The following LRP1B variants were observed in gnomAD, a reference collection of about 807,000 sequenced individuals.
The protein encoded by LRP1B is LDL receptor related protein 1B.
A neutral mutation model predicts 556.6 loss-of-function variants in LRP1B; 217 were observed. The observed-to-expected ratio is 0.39, with a 90% CI of 0.35 to 0.44. LRP1B has a LOEUF of 0.44. Ranked by LOEUF, LRP1B falls within the 20% of genes least tolerant of loss-of-function variation. LRP1B has a pLI of 1.00. For missense variants in LRP1B, 5,053 were observed against 5,620.8 expected (o/e 0.90, Z 3.23); for synonymous variants, 2,047 against 1,865.8 (o/e 1.10, Z -2.50).
At chr2:140,492,141 G>A (rs1295677009) in intron 57 of LRP1B, among the ~76,000 whole-genome samples, 1 of 152,088 alleles carries the variant, frequency 6.6e-6, no homozygotes, top group African/African-American at 2.4e-5. Context: ...ACTCTGTCAG[G>A]ATGAGTAAAT....
intron 7 of LRP1B, among the ~76,000 whole-genome samples, chr2:141,098,903 C>T (rs942513454): frequency 7.2e-5 from 11 of 152,204 alleles, no homozygotes; most frequent in Middle Eastern, 3.4e-3. Context: ...GTAATCCGCC[C>T]GCCTCAGCCT....
chr2:140,289,469 CTAA>C (rs1683287826), intron 84 of LRP1B, among the ~76,000 whole-genome samples: 1 of 151,870 alleles, frequency 6.6e-6, no homozygotes, highest in Non-Finnish European at 1.5e-5. Flanking sequence ...TGAGTTAATT[CTAA>C]TAATCAGCAT....
chr2:140,734,966 G>A (rs913915626), intron 35 of LRP1B, among the ~76,000 whole-genome samples: 4 of 152,074 alleles, frequency 2.6e-5, no homozygotes, highest in African/African-American at 9.7e-5. Context: ...TTCTCTCACA[G>A]GTGTATTTCT....
chr2:141,839,868 CAACT>C (rs1222422282), intron 1 of LRP1B, among the ~76,000 whole-genome samples: 4 of 152,094 alleles, frequency 2.6e-5, no homozygotes, highest in African/African-American at 7.2e-5. Context: ...TTGCAAACCA[CAACT>C]AATAAAATGT....
chr2:141,608,331 T>C (rs1304014498), intron 2 of LRP1B, among the ~76,000 whole-genome samples: 2 of 152,220 alleles, frequency 1.3e-5, no homozygotes, highest in Non-Finnish European at 2.9e-5. Flanking sequence ...CTAGAGCATA[T>C]ATGTCTGCTC....
intron 35 of LRP1B, among the ~76,000 whole-genome samples, chr2:140,747,320 AG>A (rs1688350751): frequency 6.6e-6 from 1 of 152,196 alleles, no homozygotes; most frequent in Admixed American, 6.5e-5. Flanking sequence ...TGGAACAGTT[AG>A]GATTCCTTAG....
intron 2 of LRP1B, among the ~76,000 whole-genome samples, chr2:141,571,379 C>T (rs1686522704): frequency 7.0e-6 from 1 of 142,222 alleles, no homozygotes; most frequent in African/African-American, 2.5e-5. Flanking sequence ...ACAGCATCAA[C>T]AACAACAACA....
chr2:142,019,847 A>G (rs1193897302), intron 1 of LRP1B, among the ~76,000 whole-genome samples: 1 of 152,020 alleles, frequency 6.6e-6, no homozygotes. Flanking sequence ...TGCTTCTCCA[A>G]ATCTTGAGCA....
intron 20 of LRP1B, among the ~76,000 whole-genome samples, chr2:140,947,591 C>A (rs928790026): frequency 6.6e-6 from 1 of 152,194 alleles, no homozygotes; most frequent in Non-Finnish European, 1.5e-5. Context: ...CTTTGCTGAT[C>A]AGCTTTAACA....
intron 15 of LRP1B, among the ~76,000 whole-genome samples, chr2:141,001,906 G>A (rs1416045618): frequency 6.6e-6 from 1 of 152,052 alleles, no homozygotes; most frequent in Non-Finnish European, 1.5e-5. Flanking sequence ...CTCCTTGGTA[G>A]AAACTGAAAA....
At chr2:140,514,828 T>A (rs2104932886) in intron 50 of LRP1B, 56 bp from the exon 51 acceptor site, 1 of 1,466,212 alleles carries the variant, frequency 6.8e-7, no homozygotes, top group Non-Finnish European at 9.2e-7. Flanking sequence ...TTACAACAGA[T>A]CCGACAGTGA....
intron 3 of LRP1B, among the ~76,000 whole-genome samples, chr2:141,269,773 T>C (rs1008729870): frequency 4.6e-5 from 7 of 152,056 alleles, no homozygotes; most frequent in African/African-American, 1.2e-4. Flanking sequence ...GTGCGACCCA[T>C]ATACAAGAAA....
chr2:141,038,959 T>C (rs1476097979), intron 11 of LRP1B, among the ~76,000 whole-genome samples: 2 of 152,082 alleles, frequency 1.3e-5, no homozygotes, highest in Non-Finnish European at 2.9e-5. Context: ...TATATAATAA[T>C]ACAACAGTCT....
intron 45 of LRP1B, among the ~76,000 whole-genome samples, chr2:140,540,046 TG>T (rs1290897580): frequency 1.3e-5 from 2 of 152,230 alleles, no homozygotes; most frequent in East Asian, 3.9e-4. Flanking sequence ...GCACTTGCAT[TG>T]AAGAGCAGGT....
At chr2:140,980,418 A>G (rs1210903639) in intron 18 of LRP1B, among the ~76,000 whole-genome samples, 1 of 152,112 alleles carries the variant, frequency 6.6e-6, no homozygotes, top group East Asian at 1.9e-4. Context: ...AACCCACTTT[A>G]TTGGTCAGGC....
chr2:141,800,446 C>T (rs1018708673), intron 2 of LRP1B, among the ~76,000 whole-genome samples: 1 of 152,208 alleles, frequency 6.6e-6, no homozygotes, highest in African/African-American at 2.4e-5. Context: ...ATTGCATCTT[C>T]ATGCAAATTA....
intron 11 of LRP1B, among the ~76,000 whole-genome samples, chr2:141,029,089 C>T (rs1158298644): frequency 6.6e-6 from 1 of 152,040 alleles, no homozygotes; most frequent in Non-Finnish European, 1.5e-5. Flanking sequence ...GTTCCAGACA[C>T]AGAAACATGT....
chr2:141,472,149 T>C (rs1682498462), intron 3 of LRP1B, among the ~76,000 whole-genome samples: 1 of 152,230 alleles, frequency 6.6e-6, no homozygotes, highest in Non-Finnish European at 1.5e-5. Context: ...TAAATCTCCA[T>C]ATCAAAGCAG....
intron 41 of LRP1B, chr2:140,683,855 C>T: frequency 3.3e-6 from 2 of 608,850 alleles, no homozygotes; most frequent in Non-Finnish European, 3.0e-6. Context: ...CGAAACAGCT[C>T]CGCGGCCCCC....
Sources: gnomAD v4.1 joint callset for allele counts (sites outside exome capture counted in the v4.1 genomes callset) on GRCh38, gnomAD v4.1.1 for gene constraint, MANE v1.5 for transcripts, NCBI Gene and HGNC (gene_info 2026-07-23, HGNC 2026-07-21) for gene names.